The following TMEM233 variants were observed in gnomAD, a reference collection of about 807,000 sequenced individuals.
TMEM233 encodes the protein dispanin subfamily B member 2.
A neutral mutation model predicts 11.2 loss-of-function variants in TMEM233; 6 were observed. The observed-to-expected ratio is 0.54, with a 90% CI of 0.29 to 1.06. The LOEUF is 1.06. Ranked by LOEUF, TMEM233 falls within the 50% of genes least tolerant of loss-of-function variation. The probability of loss-of-function intolerance (pLI) is 0.08; values close to 1 mark genes in which losing one functional copy is unlikely to be tolerated. For missense variants in TMEM233, 127 were observed against 144.7 expected, an observed-to-expected ratio of 0.88 and a Z score of 0.63; for synonymous variants, 59 against 55.8, an observed-to-expected ratio of 1.06 and a Z score of -0.26.
intron 1 of TMEM233, among the ~76,000 whole-genome samples, chr12:119,601,128 C>T (rs1006667771): frequency 1.3e-5 from 2 of 151,888 alleles, no homozygotes; most frequent in African/African-American, 4.8e-5. Flanking sequence ...ATCAAATAAG[C>T]AATATAGAAA....
the TMEM233 span, among the ~76,000 whole-genome samples, chr12:119,653,391 CAAAAAAA>C: frequency 1.2e-5 from 1 of 81,426 alleles, no homozygotes; most frequent in African/African-American, 4.9e-5. Flanking sequence ...GACGCCACCT[CAAAAAAA>C]AAAAAAAAAA....
the TMEM233 span, among the ~76,000 whole-genome samples, chr12:119,650,520 C>T: frequency 6.6e-6 from 1 of 152,222 alleles, no homozygotes. Context: ...AGCCTATTAC[C>T]CATTGTCCCT....
At chr12:119,599,132 G>C (rs1214814084) in intron 1 of TMEM233, among the ~76,000 whole-genome samples, 2 of 152,186 alleles carry the variant, frequency 1.3e-5, no homozygotes, top group Non-Finnish European at 2.9e-5. Flanking sequence ...TAAGCAAAGA[G>C]GACTTTCGAT....
chr12:119,649,894 C>T, the TMEM233 span, among the ~76,000 whole-genome samples: 4 of 140,928 alleles, frequency 2.8e-5, no homozygotes, highest in Non-Finnish European at 6.1e-5. Context: ...CGCGTTGGCT[C>T]ACGCCTGTAA....
chr12:119,599,298 T>C (rs1397905343), intron 1 of TMEM233, among the ~76,000 whole-genome samples: 1 of 152,158 alleles, frequency 6.6e-6, no homozygotes, highest in Admixed American at 6.6e-5. Flanking sequence ...AATTGCATTG[T>C]CTGTAACGTA....
At position 119,594,091 on chromosome 12, in the gene TMEM233, C is replaced by T; in HGVS notation, c.186+57C>T. Reference sequence around the variant, plus strand: ...AGGAGAGACCCGGGCGGCTTTGAGCCCCTGCAGGGGAGTCCGCGCGCTCTC... The same window carrying T: ...AGGAGAGACCCGGGCGGCTTTGAGCTCCTGCAGGGGAGTCCGCGCGCTCTC... On this transcript the variant is annotated intron_variant, in intron 1 of 2. Coordinates refer to ENST00000426426, the MANE Select transcript of TMEM233 (RefSeq NM_001136534.3). The surrounding 1 kb of genome is among the most constrained non-coding windows in gnomAD (Gnocchi z 5.6). The T allele has an allele frequency of 6.5e-7, 1 of 1,528,212 alleles. No homozygotes were observed. Among genetic ancestry groups the T allele is most frequent in the Non-Finnish European group, 8.8e-7 (1 of 1,131,660 alleles). 94.7% of individuals were successfully genotyped at this position (1,528,212 alleles called of 1,614,324 possible).
At chr12:119,611,600 A>G (rs969510707) in intron 1 of TMEM233, among the ~76,000 whole-genome samples, 2 of 152,114 alleles carry the variant, frequency 1.3e-5, no homozygotes, top group African/African-American at 4.8e-5. Context: ...TGAATTGCAA[A>G]TATTTTCTCT....
At chr12:119,646,595 T>C (rs1281998547), downstream of TMEM233, among the ~76,000 whole-genome samples, 1 of 152,196 alleles carries the variant, frequency 6.6e-6, no homozygotes, top group Non-Finnish European at 1.5e-5. Context: ...ACTCAGGGCC[T>C]CCTTCCATCT....
chr12:119,653,636 A>T, the TMEM233 span, among the ~76,000 whole-genome samples: 5 of 152,088 alleles, frequency 3.3e-5, no homozygotes, highest in South Asian at 4.1e-4. Context: ...AAAATTTTTT[A>T]AAAACCCCTG....
chr12:119,612,382 A>G (rs1954417320), intron 1 of TMEM233, among the ~76,000 whole-genome samples: 1 of 152,120 alleles, frequency 6.6e-6, no homozygotes. Flanking sequence ...TGGGAGGCCA[A>G]GGCAGGTGGA....
At chr12:119,644,187 C>T (rs1376434683), downstream of TMEM233, among the ~76,000 whole-genome samples, 1 of 152,134 alleles carries the variant, frequency 6.6e-6, no homozygotes, top group Non-Finnish European at 1.5e-5. Context: ...TAAATGGATG[C>T]TGTGGCCAGG....
chr12:119,612,633 T>A (rs1954424223), intron 1 of TMEM233, among the ~76,000 whole-genome samples: 1 of 151,466 alleles, frequency 6.6e-6, no homozygotes, highest in Non-Finnish European at 1.5e-5. Flanking sequence ...GCACCTGTAG[T>A]CCCAGCTACT....
chr12:119,622,799 G>T (rs956160096), intron 1 of TMEM233, among the ~76,000 whole-genome samples: 5 of 152,118 alleles, frequency 3.3e-5, no homozygotes, highest in African/African-American at 1.2e-4. Flanking sequence ...CCAAGTACCA[G>T]GGGAGAAAAT....
chr12:119,613,734 A>G (rs573839407), intron 1 of TMEM233, among the ~76,000 whole-genome samples: 3 of 152,144 alleles, frequency 2.0e-5, no homozygotes, highest in Admixed American at 1.3e-4. Flanking sequence ...AGAATTGCTT[A>G]AGCCCAAGAG....
intron 1 of TMEM233, among the ~76,000 whole-genome samples, chr12:119,601,657 C>CAA (rs34870019): frequency 6.4e-4 from 58 of 90,446 alleles, no homozygotes; most frequent in African/African-American, 2.1e-3. Flanking sequence ...GATTCCGCCT[C>CAA]AAAAAAAAAA....
intron 1 of TMEM233, among the ~76,000 whole-genome samples, chr12:119,611,225 A>G (rs1954393316): frequency 6.6e-6 from 1 of 152,108 alleles, no homozygotes. Context: ...TATGATAACA[A>G]TATGTTTAAC....
intron 1 of TMEM233, among the ~76,000 whole-genome samples, chr12:119,620,088 T>C (rs7981024): frequency 0.78 from 118,979 of 152,138 alleles, 46,674 homozygotes; most frequent in Middle Eastern, 0.86. Flanking sequence ...GTGTGGGTCA[T>C]GAGGGAGAGC....
At chr12:119,613,152 C>T (rs957734194) in intron 1 of TMEM233, among the ~76,000 whole-genome samples, 4 of 149,072 alleles carry the variant, frequency 2.7e-5, no homozygotes, top group African/African-American at 9.9e-5. Context: ...TTTTTACATA[C>T]CAGTAATCAT....
chr12:119,610,688 C>T (rs1246471745), intron 1 of TMEM233, among the ~76,000 whole-genome samples: 1 of 152,188 alleles, frequency 6.6e-6, no homozygotes, highest in Non-Finnish European at 1.5e-5. Context: ...TAAAGAGGTG[C>T]TTTCCACCAT....
Sources: allele counts gnomAD v4.1 joint callset (sites outside exome capture counted in the v4.1 genomes callset), GRCh38; gene constraint gnomAD v4.1.1; non-coding constraint Gnocchi (gnomAD v3.1); transcripts MANE v1.5; gene names NCBI Gene and HGNC (gene_info 2026-07-23, HGNC 2026-07-21).